Variants in PCDHGA2 observed in about 807,000 individuals in gnomAD.
The protein encoded by PCDHGA2 is protocadherin gamma-A2.
In PCDHGA2, 40 loss-of-function variants were observed where a neutral mutation model predicts 59.2. The observed-to-expected ratio is 0.68, with a 90% CI of 0.52 to 0.88. The LOEUF (loss-of-function observed/expected upper bound fraction) is 0.88. Among genes scored for constraint, PCDHGA2 ranks in the 40% least tolerant of loss-of-function variants. The probability of loss-of-function intolerance (pLI) is 0.00; values close to 1 mark genes in which losing one functional copy is unlikely to be tolerated. For missense variants in PCDHGA2, 1,226 were observed against 1,204.0 expected (o/e 1.02, Z -0.27); for synonymous variants, 560 against 526.0 (o/e 1.06, Z -0.89).
chr5:141,373,211 T>C (rs1258872699), intron 1 of PCDHGA2, among the ~76,000 whole-genome samples: 1 of 152,254 alleles, frequency 6.6e-6, no homozygotes, highest in Non-Finnish European at 1.5e-5. Flanking sequence ...AACACATTTT[T>C]AATGTAACCT....
At chr5:141,389,585 C>G in intron 1 of PCDHGA2, 1 of 1,613,182 alleles carries the variant, frequency 6.2e-7, no homozygotes, top group Non-Finnish European at 8.5e-7. Context: ...CGCTGGGTCC[C>G]GACGGCTCTG....
In PCDHGA2 at chr5:141,470,146, A is replaced by G. The variant is rs181633492; in HGVS notation, c.2425-24661A>G. On this transcript the variant is annotated intron_variant, in intron 1 of 3. Coordinates refer to ENST00000394576, the MANE Select transcript of PCDHGA2 (RefSeq NM_018915.4). ...TTCGTCTCAAAAAAAAAGATCATAG[A>G]TCATCTTATCAAATCAAAGTATGCA... Among the ~76,000 whole-genome samples, 102 of 152,308 alleles carry G rather than the reference A, an allele frequency of 6.7e-4. 2 individuals carry two copies. Among genetic ancestry groups the G allele is most frequent in the African/African-American group, 2.4e-3 (99 of 41,558 alleles).
In PCDHGA2 at chr5:141,372,908, T is replaced by A. The variant is rs1769157545; in HGVS notation, c.2424+31513T>A. The A allele has an allele frequency of 7.4e-6, 8 of 1,075,948 alleles. No individual in the cohort carries two copies. In the East Asian group the frequency reaches 2.1e-4, roughly 28 times the overall value. The allele number at this position is 1,075,948 out of a possible 1,614,324, so 66.7% of individuals were successfully genotyped here. ...ACAGATTAAATATTCCCTGATTACA[T>A]TATTTTATTGATTTTCTGGTGTAGA... On this transcript the variant is annotated intron_variant, in intron 1 of 3. Transcript: ENST00000394576.
At position 141,505,425 on chromosome 5, in the gene PCDHGA2, C is replaced by G; in HGVS notation, c.2516C>G (p.Pro839Arg). 1 of 1,614,178 alleles carries G rather than the reference C, an allele frequency of 6.2e-7. No individual in the cohort carries two copies. Among genetic ancestry groups the G allele is most frequent in the Non-Finnish European group, 8.5e-7 (1 of 1,180,014 alleles). ...SQNGDDTGTW[P>R]NNQFDTEMLQ... ...AATGGCGATGACACCGGCACCTGGC[C>G]CAACAACCAGTTTGACACAGAGATG... The change falls in exon 3 of 4, where the codon CCC becomes CGC. Residue 839 changes from proline to arginine, a missense_variant. Transcript: ENST00000394576.
At chr5:141,510,910 A>T (rs780792326) in intron 3 of PCDHGA2, 37 bp from the exon 4 acceptor site, 1 of 1,613,740 alleles carries the variant, frequency 6.2e-7, no homozygotes, top group East Asian at 2.2e-5. Flanking sequence ...GAGGACCCTA[A>T]GTTTAGCTCC....
chr5:141,401,017 T>C (rs2094103677), intron 1 of PCDHGA2, among the ~76,000 whole-genome samples: 3 of 152,226 alleles, frequency 2.0e-5, no homozygotes, highest in Admixed American at 2.0e-4. Context: ...AATGGATTTA[T>C]GATTTTTTGA....
intron 1 of PCDHGA2, among the ~76,000 whole-genome samples, chr5:141,445,320 A>G (rs1462989860): frequency 1.3e-5 from 2 of 152,188 alleles, no homozygotes; most frequent in Non-Finnish European, 2.9e-5. Flanking sequence ...GGTTGAGAGA[A>G]CCCATCCAGA....
chr5:141,403,956 T>A (rs375951516), intron 1 of PCDHGA2: 6 of 1,613,884 alleles, frequency 3.7e-6, no homozygotes, highest in Non-Finnish European at 5.1e-6. Flanking sequence ...AAAGTGCTCA[T>A]TTCGGTGGAA....
chr5:141,361,744 C>T, intron 1 of PCDHGA2: 1 of 1,613,118 alleles, frequency 6.2e-7, no homozygotes, highest in Non-Finnish European at 8.5e-7. Context: ...GGCCCGCGAC[C>T]AGGGCTCGCC....
intron 1 of PCDHGA2, among the ~76,000 whole-genome samples, chr5:141,484,569 AGACT>A (rs1376518478): frequency 1.3e-5 from 2 of 152,106 alleles, no homozygotes; most frequent in African/African-American, 2.4e-5. Context: ...CAATACAATC[AGACT>A]GAGACGGAAG....
chr5:141,453,423 C>T (rs931962019), intron 1 of PCDHGA2, among the ~76,000 whole-genome samples: 2 of 152,120 alleles, frequency 1.3e-5, no homozygotes, highest in African/African-American at 4.8e-5. Context: ...TAAGCCACCA[C>T]ACCTAGCCTA....
chr5:141,431,748 G>T lies in PCDHGA2; in HGVS notation c.2425-63059G>T. 1 of 1,614,196 alleles carries T rather than the reference G, an allele frequency of 6.2e-7. No homozygotes were observed. Among genetic ancestry groups the T allele is most frequent in the Non-Finnish European group, 8.5e-7 (1 of 1,180,042 alleles). Reference sequence around the variant, plus strand: ...ATGGATAATGCAGGATATTCTGCGCGAGCCAAAGTCCTGATCACTGTTCTG... The same window carrying T: ...ATGGATAATGCAGGATATTCTGCGCTAGCCAAAGTCCTGATCACTGTTCTG... On this transcript the variant is annotated intron_variant, in intron 1 of 3. Transcript: ENST00000394576. This position sits in a 1 kb window ranked among gnomAD's most constrained non-coding sequence, Gnocchi z 4.8.
chr5:141,473,349 T>G (rs2099319716), intron 1 of PCDHGA2, among the ~76,000 whole-genome samples: 1 of 152,232 alleles, frequency 6.6e-6, no homozygotes, highest in Non-Finnish European at 1.5e-5. Context: ...ACAGTGAGGA[T>G]GCAAGTGGCC....
At chr5:141,427,378 C>T in intron 1 of PCDHGA2, 1 of 458,520 alleles carries the variant, frequency 2.2e-6, no homozygotes, top group Non-Finnish European at 4.4e-6. Context: ...ACGGTGATCA[C>T]TCTGTTCAAA....
chr5:141,435,409 G>A (rs1387678336), intron 1 of PCDHGA2, among the ~76,000 whole-genome samples: 1 of 152,066 alleles, frequency 6.6e-6, no homozygotes, highest in African/African-American at 2.4e-5. Context: ...AAATGGTAAA[G>A]ACTATTTTTC....
At chr5:141,387,340 G>A (rs565408747) in intron 1 of PCDHGA2, among the ~76,000 whole-genome samples, 2 of 152,306 alleles carry the variant, frequency 1.3e-5, no homozygotes, top group Non-Finnish European at 2.9e-5. Flanking sequence ...ACTGTACTCT[G>A]AGACGGTTTA....
rs764363553 is a variant in PCDHGA2 at position 141,432,120 on chromosome 5, A to C, written c.2425-62687A>C. The C allele has an allele frequency of 1.2e-6, 2 of 1,613,978 alleles. No homozygotes were observed. Among genetic ancestry groups the C allele is most frequent in the African/African-American group, 2.7e-5 (2 of 74,894 alleles). ...AACGACAACCCGCCGGTCTTCCCTC[A>C]GGCCTCCTATTCCGCTTATATCCCA... On this transcript the variant is annotated intron_variant, in intron 1 of 3. Transcript: ENST00000394576. The surrounding 1 kb of genome is among the most constrained non-coding windows in gnomAD (Gnocchi z 6.0).
chr5:141,510,837 GTCAAGGCCCAGGGTGC>G, intron 3 of PCDHGA2, 94 bp from the exon 4 acceptor site: 1 of 1,586,392 alleles, frequency 6.3e-7, no homozygotes, highest in Non-Finnish European at 8.6e-7. Flanking sequence ...GCTCAGCGTG[GTCAAGGCCCAGGGTGC>G]TGTATAGGCA....
intron 1 of PCDHGA2, chr5:141,394,466 C>T (rs765078363): frequency 1.2e-6 from 2 of 1,614,222 alleles, no homozygotes; most frequent in Non-Finnish European, 8.5e-7. Flanking sequence ...TGAGCCTGTT[C>T]GTGCTGGACC....
Sources: allele counts gnomAD v4.1 joint callset (sites outside exome capture counted in the v4.1 genomes callset), GRCh38; gene constraint gnomAD v4.1.1; non-coding constraint Gnocchi (gnomAD v3.1); transcripts MANE v1.5; gene names NCBI Gene and HGNC (gene_info 2026-07-23, HGNC 2026-07-21).